The following GALNT14 variants were observed in gnomAD, a reference collection of about 807,000 sequenced individuals.
GALNT14 encodes polypeptide N-acetylgalactosaminyltransferase 14, also known as UDP-GalNAc:polypeptide N-acetylgalactosaminyltransferase 14.
A neutral mutation model predicts 77.5 loss-of-function variants in GALNT14; 60 were observed. That is an observed-to-expected ratio of 0.77 (90% CI 0.63 to 0.96). GALNT14 has a LOEUF of 0.96. GALNT14 is among the 40% of genes least tolerant of loss of function. GALNT14 has a pLI of 0.00. For synonymous variants in GALNT14, 280 were observed against 281.7 expected, an observed-to-expected ratio of 0.99 and a Z score of 0.06; for missense variants, 710 against 731.0, an observed-to-expected ratio of 0.97 and a Z score of 0.33.
chr2:30,919,058 C>T (rs1664876716), intron 13 of GALNT14, among the ~76,000 whole-genome samples: 1 of 152,182 alleles, frequency 6.6e-6, no homozygotes, highest in South Asian at 2.1e-4. Context: ...CACTGGGAGA[C>T]AGGTAAAAGG....
intron 1 of GALNT14, among the ~76,000 whole-genome samples, chr2:31,067,355 C>T (rs1282237074): frequency 6.6e-6 from 1 of 152,094 alleles, no homozygotes; most frequent in Non-Finnish European, 1.5e-5. Context: ...CCCTCGTTAC[C>T]CTAGAGAAGC....
intron 1 of GALNT14, among the ~76,000 whole-genome samples, chr2:31,056,606 T>C (rs1036544438): frequency 2.0e-5 from 3 of 152,158 alleles, no homozygotes; most frequent in African/African-American, 2.4e-5. Flanking sequence ...GCACCTGCCA[T>C]GGGGAGGCCT....
At chr2:31,117,187 A>T (rs1355426662) in intron 1 of GALNT14, among the ~76,000 whole-genome samples, 1 of 152,232 alleles carries the variant, frequency 6.6e-6, no homozygotes, top group Non-Finnish European at 1.5e-5. Context: ...TCATCTCATA[A>T]TTCAATACAA....
chr2:30,934,639 C>A (rs2148260795), intron 9 of GALNT14, among the ~76,000 whole-genome samples: 1 of 152,270 alleles, frequency 6.6e-6, no homozygotes, highest in South Asian at 2.1e-4. Context: ...CTGACCCCTC[C>A]CTTCTGCCAC....
downstream of GALNT14, among the ~76,000 whole-genome samples, chr2:30,908,008 C>T (rs1489426324): frequency 8.4e-6 from 1 of 119,464 alleles, no homozygotes; most frequent in African/African-American, 3.3e-5. Flanking sequence ...CAAAATTCAA[C>T]AACCCTTCAT....
intron 1 of GALNT14, chr2:31,079,112 T>G: frequency 8.3e-7 from 1 of 1,200,454 alleles, no homozygotes; most frequent in Non-Finnish European, 1.1e-6. Context: ...ATATTTGGCA[T>G]AGGTGACCAC....
intron 11 of GALNT14, 57 bp downstream of exon 11, chr2:30,929,338 C>T (rs772740029): frequency 2.2e-6 from 3 of 1,394,706 alleles, no homozygotes; most frequent in South Asian, 2.4e-5. Context: ...TTGCATCGGT[C>T]CTAGGAGCTG....
chr2:31,050,077 G>A (rs1161937904), intron 1 of GALNT14, among the ~76,000 whole-genome samples: 1 of 152,022 alleles, frequency 6.6e-6, no homozygotes, highest in Admixed American at 6.6e-5. Context: ...GGCCACTCGG[G>A]GCTTTGGTGG....
At chr2:31,028,837 G>C (rs1672233767) in intron 1 of GALNT14, among the ~76,000 whole-genome samples, 1 of 152,168 alleles carries the variant, frequency 6.6e-6, no homozygotes. Flanking sequence ...GATATCTAGT[G>C]GGGAAGCGAA....
intron 9 of GALNT14, among the ~76,000 whole-genome samples, chr2:30,932,878 A>G (rs1290690933): frequency 6.6e-6 from 1 of 152,188 alleles, no homozygotes; most frequent in Non-Finnish European, 1.5e-5. Flanking sequence ...GCAGTTCTAG[A>G]AAATGCTGGA....
chr2:31,054,515 A>G (rs538026495), intron 1 of GALNT14, among the ~76,000 whole-genome samples: 1 of 152,296 alleles, frequency 6.6e-6, no homozygotes. Flanking sequence ...TGTCCATCAT[A>G]TTCAACCCCA....
chr2:31,075,938 T>C (rs1675752328), intron 1 of GALNT14, among the ~76,000 whole-genome samples: 1 of 152,184 alleles, frequency 6.6e-6, no homozygotes, highest in South Asian at 2.1e-4. Flanking sequence ...AGAGGCTGCA[T>C]CTGGTTGTTT....
chr2:31,066,467 A>G (rs1396064662), intron 1 of GALNT14, among the ~76,000 whole-genome samples: 1 of 152,094 alleles, frequency 6.6e-6, no homozygotes, highest in Non-Finnish European at 1.5e-5. Flanking sequence ...TTGCTCGTGA[A>G]AAAGAAACAA....
At chr2:31,060,047 T>C (rs1204886128) in intron 1 of GALNT14, among the ~76,000 whole-genome samples, 1 of 152,196 alleles carries the variant, frequency 6.6e-6, no homozygotes, top group African/African-American at 2.4e-5. Context: ...CTAGATACAT[T>C]TCACAGTCAT....
the GALNT14 span, among the ~76,000 whole-genome samples, chr2:30,899,951 C>T: frequency 6.6e-6 from 1 of 152,210 alleles, no homozygotes; most frequent in Non-Finnish European, 1.5e-5. Context: ...CACAAAACTT[C>T]ACCATACCCT....
intron 1 of GALNT14, among the ~76,000 whole-genome samples, chr2:31,131,099 G>C (rs1678970225): frequency 6.6e-6 from 1 of 152,288 alleles, no homozygotes; most frequent in South Asian, 2.1e-4. Flanking sequence ...AGGAGACTGA[G>C]CCAGGAAGAG....
chr2:31,087,057 C>T (rs1676464196), intron 1 of GALNT14, among the ~76,000 whole-genome samples: 1 of 152,162 alleles, frequency 6.6e-6, no homozygotes, highest in Non-Finnish European at 1.5e-5. Context: ...TGGTAGAAGG[C>T]TTCTCTGGGA....
chr2:30,890,728 C>T, the GALNT14 span, among the ~76,000 whole-genome samples: 2 of 152,332 alleles, frequency 1.3e-5, no homozygotes, highest in East Asian at 3.9e-4. Flanking sequence ...ACTTCCTCCT[C>T]AGTGTTCCTT....
At chr2:30,938,326 C>G (rs1025821632) in intron 9 of GALNT14, among the ~76,000 whole-genome samples, 1 of 151,012 alleles carries the variant, frequency 6.6e-6, no homozygotes, top group Non-Finnish European at 1.5e-5. Flanking sequence ...CACACACACA[C>G]ACAGACTTTA....
Sources: gnomAD v4.1 joint callset for allele counts (sites outside exome capture counted in the v4.1 genomes callset) on GRCh38, gnomAD v4.1.1 for gene constraint, MANE v1.5 for transcripts, NCBI Gene and HGNC (gene_info 2026-07-23, HGNC 2026-07-21) for gene names.